PCDH11X: variants seen among roughly 807,000 people sequenced by gnomAD.
The protein encoded by PCDH11X is protocadherin-11 X-linked.
A neutral mutation model predicts 53.3 loss-of-function variants in PCDH11X; 18 were observed. The ratio of observed to expected loss-of-function variants is 0.34; its 90% CI spans 0.23 to 0.50. The LOEUF (loss-of-function observed/expected upper bound fraction) is 0.50, where lower values mean the gene tolerates loss of function less well. Ranked by LOEUF, PCDH11X falls within the 20% of genes least tolerant of loss-of-function variation. PCDH11X has a pLI of 0.98. For missense variants in PCDH11X, 570 were observed against 1,032.4 expected (o/e 0.55, Z 6.14); for synonymous variants, 279 against 393.3 (o/e 0.71, Z 3.44).
chrX:91,854,801 A>C (rs1171012547), intron 5 of PCDH11X, among the ~76,000 whole-genome samples: 1 of 111,862 alleles, frequency 8.9e-6, no homozygotes. Flanking sequence ...TTATTTCGAG[A>C]AATGCCTATT....
chrX:92,314,614 C>A (rs1332233580), intron 8 of PCDH11X, among the ~76,000 whole-genome samples: 2 of 111,388 alleles, frequency 1.8e-5, no homozygotes, highest in Admixed American at 9.7e-5. Flanking sequence ...ACCAGCATCA[C>A]CACAAACACG....
At chrX:91,934,080 C>A (rs1362411569) in intron 6 of PCDH11X, among the ~76,000 whole-genome samples, 6 of 111,709 alleles carry the variant, frequency 5.4e-5, no homozygotes, top group Non-Finnish European at 9.4e-5. Flanking sequence ...ACTAACATCA[C>A]AGATGCATTC....
chrX:92,165,915 G>A (rs934688113), intron 6 of PCDH11X, among the ~76,000 whole-genome samples: 19 of 110,881 alleles, frequency 1.7e-4, no homozygotes, highest in Non-Finnish European at 3.4e-4. Context: ...AAGGGAATTT[G>A]GCTAAAAAAG....
intron 9 of PCDH11X, chrX:92,460,803 CGCCTGCT>C (rs2073023433): frequency 2.6e-6 from 3 of 1,141,593 alleles, no homozygotes; most frequent in Non-Finnish European, 3.5e-6. Flanking sequence ...CACCTACCGC[CGCCTGCT>C]GGAAGATGGC....
intron 4 of PCDH11X, among the ~76,000 whole-genome samples, chrX:91,813,119 A>C (rs1936342073): frequency 9.0e-6 from 1 of 111,569 alleles, no homozygotes; most frequent in South Asian, 3.7e-4. Flanking sequence ...CTTATTCAAC[A>C]AGACATTCAG....
At chrX:92,460,408 G>T in intron 9 of PCDH11X, 1 of 875,539 alleles carries the variant, frequency 1.1e-6, no homozygotes. Flanking sequence ...CAAGATCATG[G>T]CAGACATCCG....
intron 8 of PCDH11X, among the ~76,000 whole-genome samples, chrX:92,304,975 T>C (rs1276994838): frequency 9.0e-6 from 1 of 111,104 alleles, no homozygotes; most frequent in Non-Finnish European, 1.9e-5. Flanking sequence ...CAGCCATTTT[T>C]TTTTTGCTGT....
At chrX:91,984,819 C>A (rs189640082) in intron 6 of PCDH11X, among the ~76,000 whole-genome samples, 1 of 111,473 alleles carries the variant, frequency 9.0e-6, no homozygotes, top group East Asian at 2.8e-4. Flanking sequence ...TTTTTAAAAT[C>A]CAACATATGT....
chrX:92,129,506 A>C (rs1309565595), intron 6 of PCDH11X, among the ~76,000 whole-genome samples: 2 of 112,283 alleles, frequency 1.8e-5, no homozygotes. Context: ...ATACAAATTT[A>C]TTTAGTATAA....
intron 6 of PCDH11X, 110 bp downstream of exon 6, chrX:91,879,383 C>A: frequency 8.7e-7 from 1 of 1,143,581 alleles, no homozygotes; most frequent in Non-Finnish European, 1.2e-6. Context: ...TCAAAACAAT[C>A]ATATTCTACA....
chrX:92,256,852 G>A (rs1469119734), intron 7 of PCDH11X, among the ~76,000 whole-genome samples: 1 of 110,801 alleles, frequency 9.0e-6, no homozygotes, highest in East Asian at 2.9e-4. Flanking sequence ...GAGGATAATG[G>A]CTTCCAGCTC....
chrX:92,252,695 T>C (rs149388234), intron 7 of PCDH11X, among the ~76,000 whole-genome samples: 345 of 110,994 alleles, frequency 3.1e-3, no homozygotes, highest in African/African-American at 0.011. Flanking sequence ...GAGATTTTAG[T>C]CAACTTTTAA....
intron 10 of PCDH11X, among the ~76,000 whole-genome samples, chrX:92,525,224 T>C (rs6619063): frequency 9.0e-6 from 1 of 111,689 alleles, no homozygotes; most frequent in East Asian, 2.8e-4. Flanking sequence ...ATGTCTTTGT[T>C]TGCAACTTGT....
At chrX:92,402,412 A>T (rs2071406153) in intron 9 of PCDH11X, among the ~76,000 whole-genome samples, 1 of 111,601 alleles carries the variant, frequency 9.0e-6, no homozygotes, top group Non-Finnish European at 1.9e-5. Flanking sequence ...AACCAAAACA[A>T]CATGGTACTG....
chrX:92,249,054 A>C (rs1335217126), intron 7 of PCDH11X, among the ~76,000 whole-genome samples: 1 of 110,507 alleles, frequency 9.0e-6, no homozygotes, highest in East Asian at 2.9e-4. Context: ...TTTGATATAA[A>C]GGCAAGCTTT....
At chrX:91,819,529 G>A (rs1391347735) in intron 4 of PCDH11X, among the ~76,000 whole-genome samples, 2 of 109,088 alleles carry the variant, frequency 1.8e-5, no homozygotes, top group Non-Finnish European at 1.9e-5. Context: ...AAATCACTCC[G>A]ATTATTTCTT....
At chrX:92,304,333 G>T (rs972530184) in intron 8 of PCDH11X, among the ~76,000 whole-genome samples, 5 of 111,370 alleles carry the variant, frequency 4.5e-5, no homozygotes, top group Admixed American at 1.9e-4. Flanking sequence ...CAAATCTACA[G>T]TCTGAAGCAA....
At chrX:92,410,080 G>A (rs1308394256) in intron 9 of PCDH11X, among the ~76,000 whole-genome samples, 2 of 110,929 alleles carry the variant, frequency 1.8e-5, no homozygotes, top group Non-Finnish European at 3.8e-5. Context: ...GTCTCTGTGG[G>A]AATAAAGATT....
rs186032491 is a variant in PCDH11X, at chrX:92,504,199, G to C, written c.3367+35877G>C. On this transcript the variant is annotated intron_variant, in intron 10 of 10. Transcript: ENST00000682573. ...TTGTGTTGCAGGAGTATGGTGTACA[G>C]ATTATTTCATGACTCACATAATAAG... Among the ~76,000 whole-genome samples the C allele has an allele frequency of 9.3e-5, 10 of 107,649 alleles. No individual in the cohort carries two copies. In the East Asian group the frequency reaches 1.5e-3, roughly 16 times the overall value. 93.5% of individuals were successfully genotyped at this position (107,649 alleles called of 115,157 possible). A position where few individuals can be genotyped will look rare whatever the true frequency, so the allele number is the denominator to read the frequency against.
Sources: gnomAD v4.1 joint callset for allele counts (sites outside exome capture counted in the v4.1 genomes callset) on GRCh38, gnomAD v4.1.1 for gene constraint, MANE v1.5 for transcripts, NCBI Gene and HGNC (gene_info 2026-07-23, HGNC 2026-07-21) for gene names.